The following CYP11B2 variants were observed in gnomAD, a reference collection of about 807,000 sequenced individuals.
The protein encoded by CYP11B2 is cytochrome P450 family 11 subfamily B member 2.
Under a neutral mutation model 49.3 loss-of-function variants are expected in CYP11B2, and 38 were observed. The observed-to-expected ratio is 0.77, with a 90% confidence interval of 0.59 to 1.01. The LOEUF (loss-of-function observed/expected upper bound fraction) is 1.01, where lower values mean the gene tolerates loss of function less well. CYP11B2 is among the 50% of genes least tolerant of loss of function. The probability of loss-of-function intolerance (pLI) is 0.00; values close to 1 mark genes in which losing one functional copy is unlikely to be tolerated. For missense variants in CYP11B2, 669 were observed against 655.5 expected (o/e 1.02, Z -0.23); for synonymous variants, 290 against 269.3 (o/e 1.08, Z -0.75).
chr8:142,913,861 A>G (rs538734805), intron 5 of CYP11B2: 20 of 472,146 alleles, frequency 4.2e-5, no homozygotes, highest in Middle Eastern at 3.4e-4. Context: ...CTGCCCTCCC[A>G]TGCATCTACA....
In CYP11B2 at chr8:142,912,560, T is replaced by A; in HGVS notation, c.1368A>T (p.Ala456=). 6.2e-7 allele frequency: 1 copy of A among 1,612,712 alleles called. No homozygotes were observed. The highest frequency in any genetic ancestry group is 8.5e-7 in the Non-Finnish European group (1 of 1,179,010). Residue 456 remains alanine, a synonymous_variant, in exon 8 of 9, where the codon GCA becomes GCT. Coordinates refer to ENST00000323110, the MANE Select transcript of CYP11B2 (RefSeq NM_000498.3). ...GCAGCAGCAGCAGCATCTCTGCCTC[T>A]GCCAGGCGCCGCCCGAGGCACTGGC... ...GMRQCLGRRL[A]EAEMLLLLHH...
chr8:142,915,111 A>G lies in CYP11B2; in HGVS notation c.530T>C (p.Leu177Pro). The G allele has an allele frequency of 6.2e-7, 1 of 1,613,822 alleles. No individual in the cohort carries two copies. The highest frequency in any genetic ancestry group is 8.5e-7 in the Non-Finnish European group (1 of 1,179,918). ...GGTCAGGCTCCCCCGGGCGTTCTGCAGCACCTTCTTCTTCAGGGCCTGGGA... is the reference window on the plus strand; with the variant it reads ...GGTCAGGCTCCCCCGGGCGTTCTGCGGCACCTTCTTCTTCAGGGCCTGGGA... The part of the protein sequence containing the change: ...DFSQALKKKV[L>P]QNARGSLTLD... Residue 177 changes from leucine to proline, a missense_variant, in exon 3 of 9, where the codon CTG becomes CCG. Physicochemically the swap from Leu to Pro is moderately conservative, Grantham distance 98. Transcript: ENST00000323110.
intron 5 of CYP11B2, chr8:142,914,023 C>CTGT (rs750831300): frequency 1.6e-6 from 1 of 639,676 alleles, no homozygotes; most frequent in South Asian, 1.5e-5. Context: ...TTCTTCCAGC[C>CTGT]TGGAGCATGG....
intron 1 of CYP11B2, 108 bp downstream of exon 1, chr8:142,917,494 C>A: frequency 1.2e-6 from 2 of 1,613,052 alleles, no homozygotes; most frequent in Non-Finnish European, 1.7e-6. Context: ...CCAAAGGATG[C>A]AGAGTGCCGG....
In CYP11B2 at chr8:142,914,428, G is replaced by A. The variant is rs775125577; in HGVS notation, c.800-10C>T. 2 of 1,609,186 alleles carry A rather than the reference G, an allele frequency of 1.2e-6. No homozygotes were observed. Among genetic ancestry groups the A allele is most frequent in the Non-Finnish European group, 1.7e-6 (2 of 1,177,508 alleles). ...TGGATACAGTTGTCACCTGTCCAGG[G>A]AGCAGGGGACAGCCCTCAGATCTTG... On this transcript the variant is annotated splice_polypyrimidine_tract_variant and intron_variant, in intron 4 of 8. Coordinates refer to ENST00000323110, the MANE Select transcript of CYP11B2 (RefSeq NM_000498.3).
rs969474211 is a variant in CYP11B2 at position 142,917,548 on chromosome 8, G to A, written c.239+54C>T. On this transcript the variant is annotated intron_variant, in intron 1 of 8. Coordinates refer to ENST00000323110, the MANE Select transcript of CYP11B2 (RefSeq NM_000498.3). Reference sequence around the variant, plus strand: ...GTGCTGAGTGCCTGGCAGGGTCCTGGGCAGCAGGGGCAGGGATCTGGGTGT... The same window carrying A: ...GTGCTGAGTGCCTGGCAGGGTCCTGAGCAGCAGGGGCAGGGATCTGGGTGT... 1.8e-4 allele frequency: 288 copies of A among 1,613,642 alleles called. 1 individual carries two copies. The highest frequency in any genetic ancestry group is 6.2e-5 in the Non-Finnish European group (73 of 1,179,978).
In CYP11B2 at chr8:142,917,716, G is replaced by C. The variant is rs1174135669; in HGVS notation, c.125C>G (p.Pro42Arg). The C allele has an allele frequency of 2.5e-6, 4 of 1,614,116 alleles. No individual in the cohort carries two copies. The highest frequency in any genetic ancestry group is 1.1e-5 in the South Asian group (1 of 91,086). ...PRTVLPFEAM[P>R]QHPGNRWLRL... ...CAGCCACCTGTTGCCTGGATGCTGG[G>C]GCATGGCTTCAAACGGCAGCACCGT... The change falls in exon 1 of 9, where the codon CCC (proline) becomes CGC (arginine). Residue 42 changes from proline (P) to arginine (R), a missense_variant. Pro to Arg is a moderately radical substitution (Grantham distance 103). Transcript: ENST00000323110.
chr8:142,913,242 A>G, intron 6 of CYP11B2, 43 bp downstream of exon 6: 10 of 1,605,110 alleles, frequency 6.2e-6, no homozygotes, highest in Non-Finnish European at 8.5e-6. Context: ...GCTGCTCTCC[A>G]GCAGGGGGCC....
In CYP11B2 at chr8:142,912,004, G is replaced by A. The variant is rs752441629; in HGVS notation, c.1488C>T (p.Leu496=). ...ACTAGTTAATCGCTCTGAAAGTGAG[G>A]AGGGGGGACGTGCCAGGCCTCAATA... ...SFILRPGTSP[L]LTFRAIN The change falls in exon 9 of 9, where the codon CTC becomes CTT. Residue 496 remains leucine, a synonymous_variant. Coordinates refer to ENST00000323110, the MANE Select transcript of CYP11B2 (RefSeq NM_000498.3). 6.2e-7 allele frequency: 1 copy of A among 1,614,034 alleles called. No individual in the cohort carries two copies. Among genetic ancestry groups the A allele is most frequent in the Admixed American group, 1.7e-5 (1 of 60,004 alleles).
In CYP11B2 at chr8:142,915,031, C is replaced by T; in HGVS notation, c.595+15G>A. 1 of 1,613,632 alleles carries T rather than the reference C, an allele frequency of 6.2e-7. No individual in the cohort carries two copies. The highest frequency in any genetic ancestry group is 1.1e-5 in the South Asian group (1 of 90,956). On this transcript the variant is annotated intron_variant, in intron 3 of 8. Transcript: ENST00000323110. ...CCAGGGTCTCTGGGGCTGGACCTTCCCGCATGGCCCACACCTTCTATGGTG... is the reference window on the plus strand; with the variant it reads ...CCAGGGTCTCTGGGGCTGGACCTTCTCGCATGGCCCACACCTTCTATGGTG...
chr8:142,917,306 C>T (rs1397520149), intron 1 of CYP11B2, 92 bp from the exon 2 acceptor site: 7 of 1,479,974 alleles, frequency 4.7e-6, no homozygotes, highest in South Asian at 2.3e-5. Context: ...CCTGTCCACC[C>T]TCCCTGCTCC....
Position 142,912,816 on chromosome 8 carries a change from G to A in CYP11B2, c.1191C>T (p.Ile397=). 1.2e-6 allele frequency: 2 copies of A among 1,613,920 alleles called. No individual in the cohort carries two copies. Among genetic ancestry groups the A allele is most frequent in the East Asian group, 2.2e-5 (1 of 44,878 alleles). The part of the protein sequence containing the change: ...SSDLVLQNYH[I]PAGTLVQVFL... ...TGTGGGGCTCACTCACCCCAGCTGG[G>A]ATGTGGTAGTTCTGAAGCACCAAGT... is the stretch of plus-strand genomic sequence containing the variant. Residue 397 remains isoleucine (I), a synonymous_variant, in exon 7 of 9, where the codon ATC becomes ATT. Coordinates refer to ENST00000323110, the MANE Select transcript of CYP11B2 (RefSeq NM_000498.3).
chr8:142,914,418 C>A lies in CYP11B2; in HGVS notation c.800G>T (p.Gly267Val), dbSNP rs1817600780. Reference sequence around the variant, plus strand: ...GTAGATTTTCTGGATACAGTTGTCACCTGTCCAGGGAGCAGGGGACAGCCC... The same window carrying A: ...GTAGATTTTCTGGATACAGTTGTCAACTGTCCAGGGAGCAGGGGACAGCCC... ...FEAWDCIFQY[G>V]DNCIQKIYQE... Residue 267 changes from glycine (G) to valine (V), a missense_variant and splice_region_variant, in exon 5 of 9, where the codon GGT (glycine) becomes GTT (valine). Physicochemically the swap from Gly to Val is moderately radical, Grantham distance 109. Coordinates refer to ENST00000323110, the MANE Select transcript of CYP11B2 (RefSeq NM_000498.3). 2 of 1,611,392 alleles carry A rather than the reference C, an allele frequency of 1.2e-6. No homozygotes were observed. Among genetic ancestry groups the A allele is most frequent in the East Asian group, 4.5e-5 (2 of 44,808 alleles).
chr8:142,912,425 C>T (rs1479349567), intron 8 of CYP11B2, 105 bp downstream of exon 8: 2 of 1,270,568 alleles, frequency 1.6e-6, no homozygotes, highest in East Asian at 2.5e-5. Context: ...ACCAAGGCCC[C>T]ATCCACTGTT....
At position 142,911,260 on chromosome 8, in the gene CYP11B2, C is replaced by T. The variant is rs1482516248; in HGVS notation, c.*720G>A. 1 of 152,372 alleles carries T rather than the reference C, an allele frequency of 6.6e-6. No individual in the cohort carries two copies. The highest frequency in any genetic ancestry group is 1.9e-4 in the East Asian group (1 of 5,184). 9.4% of individuals were successfully genotyped at this position (152,372 alleles called of 1,614,324 possible). ...TCGGGACCTTCTCCAGGGGACAGCT[C>T]AGGAAGCAGAGGACCCAACACTCGC... is the stretch of plus-strand genomic sequence containing the variant. On this transcript the variant is annotated 3_prime_UTR_variant, in exon 9 of 9. Coordinates refer to ENST00000323110, the MANE Select transcript of CYP11B2 (RefSeq NM_000498.3).
intron 8 of CYP11B2, 31 bp from the exon 9 acceptor site, chr8:142,912,124 T>C: frequency 6.8e-6 from 11 of 1,613,750 alleles, no homozygotes; most frequent in Non-Finnish European, 9.3e-6. Context: ...CCATCTGGCC[T>C]GGTCAGTAGC....
In CYP11B2 at chr8:142,912,816, G is replaced by T. The variant is rs1279582743; in HGVS notation, c.1191C>A (p.Ile397=). 6.8e-6 allele frequency: 11 copies of T among 1,613,802 alleles called. No individual in the cohort carries two copies. The highest frequency in any genetic ancestry group is 9.3e-6 in the Non-Finnish European group (11 of 1,179,914). The change falls in exon 7 of 9, where the codon ATC becomes ATA. Residue 397 remains isoleucine, a synonymous_variant. Transcript: ENST00000323110. ...SSDLVLQNYH[I]PAGTLVQVFL... ...TGTGGGGCTCACTCACCCCAGCTGGGATGTGGTAGTTCTGAAGCACCAAGT... is the reference window on the plus strand; with the variant it reads ...TGTGGGGCTCACTCACCCCAGCTGGTATGTGGTAGTTCTGAAGCACCAAGT...
rs1351295710 is a variant in CYP11B2 at position 142,914,296 on chromosome 8, A to G, written c.922T>C (p.Ser308Pro). 5.6e-6 allele frequency: 9 copies of G among 1,614,104 alleles called. No homozygotes were observed. In the South Asian group the frequency reaches 9.9e-5, roughly 18 times the overall value. ...ELSLEAIKAN[S>P]MELTAGSVDT... is the part of the protein sequence containing the mutation. ...ACGCTCCCTGCAGTGAGTTCCATAG[A>G]GTTGGCCTTGATGGCTTCTAGTGAC... Residue 308 changes from serine to proline, a missense_variant, in exon 5 of 9, where the codon TCT (serine) becomes CCT (proline). Ser to Pro is a moderately conservative substitution (Grantham distance 74). Coordinates refer to ENST00000323110, the MANE Select transcript of CYP11B2 (RefSeq NM_000498.3).
chr8:142,912,135 C>A lies in CYP11B2; in HGVS notation c.1399-42G>T, dbSNP rs1390703082. ...GTTTCCATCTGGCCTGGTCAGTAGCCCATGGACCTGGGGCAGCTTCCTCCC... is the reference window on the plus strand; with the variant it reads ...GTTTCCATCTGGCCTGGTCAGTAGCACATGGACCTGGGGCAGCTTCCTCCC... On this transcript the variant is annotated intron_variant, in intron 8 of 8. Transcript: ENST00000323110. 3 of 1,613,360 alleles carry A rather than the reference C, an allele frequency of 1.9e-6. No individual in the cohort carries two copies. In the Admixed American group the frequency reaches 5.0e-5, roughly 27 times the overall value.
Sources: gnomAD v4.1 joint callset for allele counts on GRCh38, gnomAD v4.1.1 for gene constraint, MANE v1.5 for transcripts, NCBI Gene and HGNC (gene_info 2026-07-23, HGNC 2026-07-21) for gene names.